The following DCLK1 variants were observed in gnomAD, a reference collection of about 807,000 sequenced individuals.
DCLK1 encodes serine/threonine-protein kinase DCLK1.
Under a neutral mutation model 86.2 loss-of-function variants are expected in DCLK1, and 16 were observed. That is an observed-to-expected ratio of 0.19 (90% CI 0.13 to 0.28). The LOEUF (loss-of-function observed/expected upper bound fraction) is 0.28, where lower values mean the gene tolerates loss of function less well. Ranked by LOEUF, DCLK1 falls within the 10% of genes least tolerant of loss-of-function variation. The pLI, the probability that DCLK1 is intolerant of heterozygous loss-of-function variation, is 1.00. For missense variants in DCLK1, 590 were observed against 940.2 expected (o/e 0.63, Z 4.87); for synonymous variants, 369 against 370.5 (o/e 1.00, Z 0.05).
chr13:35,933,137 T>C (rs112507582), intron 4 of DCLK1, among the ~76,000 whole-genome samples: 5,868 of 152,242 alleles, frequency 0.039, 398 homozygotes, highest in African/African-American at 0.13. Context: ...CAAAATGATC[T>C]CCTTTGACTT....
chr13:35,936,962 C>CTTTTTTTTTTTTTGTTTTTTTTTT (rs1876788829), intron 4 of DCLK1, among the ~76,000 whole-genome samples: 1 of 65,712 alleles, frequency 1.5e-5, no homozygotes, highest in Non-Finnish European at 3.0e-5. Flanking sequence ...GAAAAGTTAG[C>CTTTTTTTTTTTTTGTTTTTTTTTT]TTTTTTTTTT....
At chr13:35,836,503 A>G (rs1869392475) in intron 7 of DCLK1, among the ~76,000 whole-genome samples, 1 of 152,154 alleles carries the variant, frequency 6.6e-6, no homozygotes, top group Admixed American at 6.5e-5. Context: ...TAGCATTCCC[A>G]TGTATGGCGC....
intron 4 of DCLK1, among the ~76,000 whole-genome samples, chr13:35,881,867 A>G (rs1872923573): frequency 6.6e-6 from 1 of 152,184 alleles, no homozygotes; most frequent in Non-Finnish European, 1.5e-5. Context: ...CAAGGGAAAG[A>G]AGGTTGACTG....
intron 5 of DCLK1, chr13:35,869,068 G>A (rs984337936): frequency 1.6e-5 from 8 of 499,892 alleles, no homozygotes; most frequent in Non-Finnish European, 3.2e-5. Context: ...TGGGATTACA[G>A]GTATGAGCCA....
intron 16 of DCLK1, 127 bp downstream of exon 16, chr13:35,793,239 A>T: frequency 1.7e-6 from 1 of 593,316 alleles, no homozygotes; most frequent in South Asian, 2.8e-5. Flanking sequence ...CTAGTGCATT[A>T]AGTGGCTGAG....
At chr13:35,885,733 A>T (rs891962353) in intron 4 of DCLK1, among the ~76,000 whole-genome samples, 4 of 152,220 alleles carry the variant, frequency 2.6e-5, no homozygotes, top group Non-Finnish European at 5.9e-5. Flanking sequence ...TCATATTTTT[A>T]TATATAACTC....
intron 3 of DCLK1, among the ~76,000 whole-genome samples, chr13:35,996,580 C>A (rs1178948709): frequency 6.6e-6 from 1 of 152,112 alleles, no homozygotes; most frequent in Admixed American, 6.5e-5. Context: ...AGCAGGAGGC[C>A]ATTCTAGCAG....
chr13:35,793,726 A>G (rs1280696552), intron 15 of DCLK1, among the ~76,000 whole-genome samples: 5 of 113,572 alleles, frequency 4.4e-5, no homozygotes, highest in African/African-American at 1.7e-4. Flanking sequence ...TCTCTAAATT[A>G]AAAAAAAAAA....
chr13:35,986,192 C>G (rs1470437194), intron 3 of DCLK1, among the ~76,000 whole-genome samples: 1 of 148,304 alleles, frequency 6.7e-6, no homozygotes, highest in East Asian at 2.0e-4. Flanking sequence ...ATCCCAGCTA[C>G]TCAGGTGGCT....
chr13:35,841,874 G>A (rs1177573596), intron 6 of DCLK1, among the ~76,000 whole-genome samples: 3 of 151,990 alleles, frequency 2.0e-5, no homozygotes, highest in Non-Finnish European at 4.4e-5. Flanking sequence ...AAGAGTTTGG[G>A]GGACTGGGAT....
intron 1 of DCLK1, among the ~76,000 whole-genome samples, chr13:36,129,253 T>C (rs1318143298): frequency 6.6e-6 from 1 of 152,240 alleles, no homozygotes; most frequent in South Asian, 2.1e-4. Context: ...TAGAATTCCC[T>C]GGGGGAACGG....
intron 3 of DCLK1, among the ~76,000 whole-genome samples, chr13:35,998,532 T>C (rs1254821614): frequency 6.6e-6 from 1 of 152,128 alleles, no homozygotes; most frequent in East Asian, 1.9e-4. Flanking sequence ...CTCAGAATCA[T>C]CATACTTATG....
intron 3 of DCLK1, among the ~76,000 whole-genome samples, chr13:36,018,223 C>A (rs2153149878): frequency 6.6e-6 from 1 of 152,268 alleles, no homozygotes; most frequent in East Asian, 1.9e-4. Context: ...CATGTGTACC[C>A]TATAGACTCA....
At chr13:35,980,325 C>T (rs759822901) in intron 3 of DCLK1, among the ~76,000 whole-genome samples, 18 of 151,974 alleles carry the variant, frequency 1.2e-4, no homozygotes, top group South Asian at 2.1e-4. Flanking sequence ...TGCAGTAGTA[C>T]GCACCTGTGG....
chr13:35,885,706 C>A (rs191787845), intron 4 of DCLK1, among the ~76,000 whole-genome samples: 45 of 152,238 alleles, frequency 3.0e-4, no homozygotes, highest in African/African-American at 1.1e-3. Flanking sequence ...ATTAGGCATA[C>A]CCTAAAACCT....
chr13:35,836,240 T>G (rs1166746962), intron 7 of DCLK1, 99 bp from the exon 8 acceptor site: 19 of 1,032,702 alleles, frequency 1.8e-5, no homozygotes, highest in Non-Finnish European at 2.3e-5. Context: ...TGGAATGGAT[T>G]CAGAATCAAT....
chr13:36,075,993 C>T (rs1052373695), intron 3 of DCLK1, among the ~76,000 whole-genome samples: 1 of 152,178 alleles, frequency 6.6e-6, no homozygotes, highest in African/African-American at 2.4e-5. Flanking sequence ...CCACTGCACT[C>T]CAGCCTGGGC....
intron 4 of DCLK1, among the ~76,000 whole-genome samples, chr13:35,881,010 AT>A (rs1282361111): frequency 1.5e-4 from 23 of 152,116 alleles, no homozygotes; most frequent in Admixed American, 1.5e-3. Flanking sequence ...CTGATGTCTG[AT>A]CACCTTGAGA....
intron 6 of DCLK1, chr13:35,845,938 G>C: frequency 1.0e-6 from 1 of 985,260 alleles, no homozygotes; most frequent in South Asian, 4.7e-5. Context: ...ATTCTAAGGT[G>C]GTAAGTGTCA....
Sources: gnomAD v4.1 joint callset for allele counts (sites outside exome capture counted in the v4.1 genomes callset) on GRCh38, gnomAD v4.1.1 for gene constraint, MANE v1.5 for transcripts, NCBI Gene and HGNC (gene_info 2026-07-23, HGNC 2026-07-21) for gene names.